Variants in SPATA16 observed in about 807,000 individuals in gnomAD.
The protein encoded by SPATA16 is spermatogenesis associated 16.
SPATA16 carries 36 observed loss-of-function variants against 63.3 expected under a neutral mutation model. The ratio of observed to expected loss-of-function variants is 0.57; its 90% CI spans 0.44 to 0.75. SPATA16 has a LOEUF of 0.75. SPATA16 is among the 30% of genes least tolerant of loss of function. SPATA16 has a pLI of 0.00. For synonymous variants in SPATA16, 203 were observed against 216.7 expected, an observed-to-expected ratio of 0.94 and a Z score of 0.56; for missense variants, 646 against 679.3, an observed-to-expected ratio of 0.95 and a Z score of 0.54.
chr3:172,960,918 CT>C (rs1733743900), intron 5 of SPATA16, among the ~76,000 whole-genome samples: 1 of 125,378 alleles, frequency 8.0e-6, no homozygotes, highest in African/African-American at 2.8e-5. Flanking sequence ...CCCTCCCTCC[CT>C]TCCTTCCTTC....
chr3:173,044,644 C>T (rs1265116876), intron 3 of SPATA16, among the ~76,000 whole-genome samples: 3 of 152,110 alleles, frequency 2.0e-5, no homozygotes, highest in African/African-American at 7.2e-5. Context: ...TTTCTTAAGT[C>T]TCATTTTCCT....
intron 2 of SPATA16, among the ~76,000 whole-genome samples, chr3:173,110,707 A>G (rs1737730253): frequency 6.6e-6 from 1 of 152,228 alleles, no homozygotes. Flanking sequence ...TCAAACTCAC[A>G]TAGCATCAGC....
chr3:172,907,522 C>T (rs187430566), intron 10 of SPATA16, among the ~76,000 whole-genome samples: 267 of 152,080 alleles, frequency 1.8e-3, no homozygotes, highest in Non-Finnish European at 2.4e-3. Flanking sequence ...GTTACCCTAC[C>T]CTGCTTGCTG....
chr3:172,983,470 A>G (rs1734368756), intron 4 of SPATA16, among the ~76,000 whole-genome samples: 1 of 151,994 alleles, frequency 6.6e-6, no homozygotes, highest in Admixed American at 6.6e-5. Context: ...CACCTATTTC[A>G]TGTATGTAAT....
At chr3:173,110,700 A>G (rs186112321) in intron 2 of SPATA16, among the ~76,000 whole-genome samples, 1 of 152,190 alleles carries the variant, frequency 6.6e-6, no homozygotes, top group Admixed American at 6.5e-5. Context: ...AAGTTGCTCA[A>G]ACTCACATAG....
At chr3:172,968,705 G>A (rs1024761860) in intron 5 of SPATA16, among the ~76,000 whole-genome samples, 2 of 152,048 alleles carry the variant, frequency 1.3e-5, no homozygotes, top group East Asian at 1.9e-4. Context: ...ATAATGTCAC[G>A]GTCACTATCT....
intron 2 of SPATA16, among the ~76,000 whole-genome samples, chr3:173,116,090 C>T (rs897094395): frequency 3.3e-5 from 5 of 152,088 alleles, no homozygotes; most frequent in Non-Finnish European, 7.4e-5. Context: ...TAGGGTCTCA[C>T]TATGTTACCC....
chr3:173,073,856 T>C (rs951383852), intron 2 of SPATA16, among the ~76,000 whole-genome samples: 7 of 152,092 alleles, frequency 4.6e-5, no homozygotes, highest in African/African-American at 1.2e-4. Context: ...CTGCAGACAC[T>C]CAACTCCAGC....
intron 5 of SPATA16, among the ~76,000 whole-genome samples, chr3:172,961,048 CTTCTTTCTTTCTTTCTTCT>C: frequency 1.5e-5 from 1 of 66,080 alleles, no homozygotes; most frequent in Middle Eastern, 0.01. Flanking sequence ...TTCTTTCTTT[CTTCTTTCTTTCTTTCTTCT>C]TTCTTCCTTC....
chr3:172,891,544 G>A (rs1300139143), intron 10 of SPATA16, among the ~76,000 whole-genome samples: 2 of 152,124 alleles, frequency 1.3e-5, no homozygotes, highest in African/African-American at 4.8e-5. Flanking sequence ...CTTTTAAACA[G>A]ATAAATCTGA....
intron 4 of SPATA16, among the ~76,000 whole-genome samples, chr3:172,998,665 T>G (rs974946333): frequency 1.3e-5 from 2 of 152,304 alleles, no homozygotes; most frequent in African/African-American, 4.8e-5. Flanking sequence ...AGTGCAATGT[T>G]AGCTGTAGGT....
intron 2 of SPATA16, among the ~76,000 whole-genome samples, chr3:173,062,645 T>C (rs549252524): frequency 6.6e-6 from 1 of 152,346 alleles, no homozygotes; most frequent in Admixed American, 6.5e-5. Context: ...ATTTAGATCC[T>C]ATGTCCTCTA....
intron 1 of SPATA16, among the ~76,000 whole-genome samples, chr3:173,123,983 G>C (rs1330427291): frequency 6.6e-6 from 1 of 152,106 alleles, no homozygotes; most frequent in Non-Finnish European, 1.5e-5. Context: ...GCCGTCATTA[G>C]ATGCAGGAAA....
At chr3:173,064,813 AGT>A (rs1445070845) in intron 2 of SPATA16, among the ~76,000 whole-genome samples, 1 of 152,206 alleles carries the variant, frequency 6.6e-6, no homozygotes, top group Non-Finnish European at 1.5e-5. Context: ...ACACTGCCAG[AGT>A]GTAGATACAG....
At chr3:172,920,825 G>A (rs888278341) in intron 8 of SPATA16, among the ~76,000 whole-genome samples, 15 of 152,136 alleles carry the variant, frequency 9.9e-5, no homozygotes, top group African/African-American at 3.6e-4. Flanking sequence ...CAGTATAAAT[G>A]TGATAATAAA....
chr3:173,070,999 G>T (rs1356482871), intron 2 of SPATA16, among the ~76,000 whole-genome samples: 1 of 152,090 alleles, frequency 6.6e-6, no homozygotes, highest in Non-Finnish European at 1.5e-5. Context: ...ACCCAGAATA[G>T]CCAAAGCTAT....
intron 4 of SPATA16, among the ~76,000 whole-genome samples, chr3:172,993,022 G>A (rs370141231): frequency 6.6e-6 from 1 of 152,076 alleles, no homozygotes; most frequent in Non-Finnish European, 1.5e-5. Context: ...GAATCCCTAC[G>A]AGAGTATCCA....
intron 8 of SPATA16, among the ~76,000 whole-genome samples, chr3:172,922,569 A>G (rs771064780): frequency 1.3e-5 from 2 of 152,220 alleles, no homozygotes; most frequent in Non-Finnish European, 2.9e-5. Context: ...CGGAGCTGGC[A>G]ACAGATGATG....
intron 2 of SPATA16, among the ~76,000 whole-genome samples, chr3:173,079,561 TA>T (rs1471478687): frequency 3.9e-5 from 6 of 152,154 alleles, no homozygotes; most frequent in Non-Finnish European, 7.4e-5. Flanking sequence ...ATCTCCCCCG[TA>T]AGATTTTACT....
Sources: allele counts gnomAD v4.1 joint callset (sites outside exome capture counted in the v4.1 genomes callset), GRCh38; gene constraint gnomAD v4.1.1; transcripts MANE v1.5; gene names NCBI Gene and HGNC (gene_info 2026-07-23, HGNC 2026-07-21).